The following CPA6 variants were observed in gnomAD, a reference collection of about 807,000 sequenced individuals.
The protein encoded by CPA6 is carboxypeptidase B.
Under a neutral mutation model 63.3 loss-of-function variants are expected in CPA6, and 58 were observed. The observed-to-expected ratio is 0.92, with a 90% CI of 0.74 to 1.14. CPA6 has a LOEUF of 1.14. Ranked by LOEUF, CPA6 falls within the 50% of genes most tolerant of loss-of-function variation. CPA6 has a pLI of 0.00. For missense variants in CPA6, 565 were observed against 526.6 expected (o/e 1.07, Z -0.71); for synonymous variants, 185 against 179.0 (o/e 1.03, Z -0.27).
rs186808552 is a variant in CPA6, at chr8:67,595,681, C to T, written c.192+28495G>A. 3.9e-3 allele frequency among the ~76,000 whole-genome samples: 601 copies of T among 152,342 alleles called. 1 individual carries two copies. Among genetic ancestry groups the T allele is most frequent in the Middle Eastern group, 0.01 (3 of 294 alleles). On this transcript the variant is annotated intron_variant, in intron 2 of 10. Coordinates refer to ENST00000297770, the MANE Select transcript of CPA6 (RefSeq NM_020361.5). ...CGAGACTCCGTGGGTGTAGGACCTT[C>T]CGAGCCAGGTGCGGGATATAATCTC...
At chr8:67,506,762 A>G (rs1270098020) in intron 6 of CPA6, 25 bp downstream of exon 6, 1 of 1,466,286 alleles carries the variant, frequency 6.8e-7, no homozygotes, top group Admixed American at 1.7e-5. Flanking sequence ...GCTGAAATGG[A>G]CATTGTGTAA....
At position 67,537,888 on chromosome 8, in the gene CPA6, T is replaced by C. The variant is rs528921040; in HGVS notation, c.193-19841A>G. On this transcript the variant is annotated intron_variant, in intron 2 of 10. Coordinates refer to ENST00000297770, the MANE Select transcript of CPA6 (RefSeq NM_020361.5). ...CCCAAAGATTCTAGTACGTTGTGTCTTTGTTCTCATTGGTTTCAAAGAACT... is the reference window on the plus strand; with the variant it reads ...CCCAAAGATTCTAGTACGTTGTGTCCTTGTTCTCATTGGTTTCAAAGAACT... 2.0e-5 allele frequency among the ~76,000 whole-genome samples: 3 copies of C among 152,368 alleles called. No homozygotes were observed. In the South Asian group the frequency reaches 6.2e-4, roughly 32 times the overall value.
intron 2 of CPA6, among the ~76,000 whole-genome samples, chr8:67,595,876 G>A (rs896609168): frequency 2.6e-5 from 4 of 152,192 alleles, no homozygotes; most frequent in Non-Finnish European, 4.4e-5. Flanking sequence ...CTGGCGCACA[G>A]TGTGCTGCAC....
chr8:67,479,047 C>T (rs140673932), intron 8 of CPA6, among the ~76,000 whole-genome samples: 19 of 152,004 alleles, frequency 1.2e-4, no homozygotes, highest in Middle Eastern at 3.4e-3. Context: ...AGAAAGAAAT[C>T]GACACCCCCA....
At position 67,724,904 on chromosome 8, in the gene CPA6, C is replaced by T. The variant is rs114732338; in HGVS notation, c.116+21110G>A. Reference sequence around the variant, plus strand: ...TCAGGAAGTCCTCTTCCATCTTAGACTCATCCCCCAATTTTTGGTTATCAG... The same window carrying T: ...TCAGGAAGTCCTCTTCCATCTTAGATTCATCCCCCAATTTTTGGTTATCAG... On this transcript the variant is annotated intron_variant, in intron 1 of 10. Coordinates refer to ENST00000297770, the MANE Select transcript of CPA6 (RefSeq NM_020361.5). Among the ~76,000 whole-genome samples the T allele has an allele frequency of 7.2e-3, 1,099 of 152,320 alleles. 14 individuals carry two copies. The highest frequency in any genetic ancestry group is 0.024 in the African/African-American group (1,011 of 41,580).
intron 1 of CPA6, among the ~76,000 whole-genome samples, chr8:67,641,850 G>C (rs1203071220): frequency 6.6e-6 from 1 of 152,010 alleles, no homozygotes; most frequent in Non-Finnish European, 1.5e-5. Context: ...TAAAACTAGT[G>C]AGAGAATTAG....
chr8:67,654,685 G>T (rs1324195012), intron 1 of CPA6, among the ~76,000 whole-genome samples: 3 of 152,198 alleles, frequency 2.0e-5, no homozygotes, highest in East Asian at 1.9e-4. Flanking sequence ...TAGGGCAACC[G>T]ATGAAGAGAG....
At chr8:67,553,942 C>T (rs1366768105) in intron 2 of CPA6, among the ~76,000 whole-genome samples, 1 of 152,160 alleles carries the variant, frequency 6.6e-6, no homozygotes, top group Non-Finnish European at 1.5e-5. Flanking sequence ...TTGCTGTAAA[C>T]CATGTGCTAT....
At chr8:67,447,049 C>CACACATATATATACACACATATATATAT (rs1563956440) in intron 8 of CPA6, among the ~76,000 whole-genome samples, 18 of 89,138 alleles carry the variant, frequency 2.0e-4, no homozygotes, top group African/African-American at 1.0e-3. Context: ...TATATATATA[C>CACACATATATATACACACATATATATAT]ACACACATAT....
chr8:67,427,141 T>C (rs909740989), intron 10 of CPA6, among the ~76,000 whole-genome samples: 7 of 152,208 alleles, frequency 4.6e-5, no homozygotes, highest in African/African-American at 1.7e-4. Context: ...ATTCTCACTA[T>C]AAGAAGGGTG....
chr8:67,552,583 C>T (rs1323992806), intron 2 of CPA6, among the ~76,000 whole-genome samples: 1 of 151,640 alleles, frequency 6.6e-6, no homozygotes, highest in Admixed American at 6.6e-5. Context: ...ACCATCCTGG[C>T]TAACACAGTG....
At chr8:67,640,538 G>A (rs1229867176) in intron 1 of CPA6, among the ~76,000 whole-genome samples, 1 of 151,374 alleles carries the variant, frequency 6.6e-6, no homozygotes, top group Non-Finnish European at 1.5e-5. Flanking sequence ...GCCCCCAGGA[G>A]TGTAGAGATG....
chr8:67,611,627 C>T (rs576870967), intron 2 of CPA6, among the ~76,000 whole-genome samples: 1 of 152,274 alleles, frequency 6.6e-6, no homozygotes, highest in East Asian at 1.9e-4. Flanking sequence ...CCTTTGATAG[C>T]TGGTCAATGT....
At chr8:67,597,881 T>C (rs1375646116) in intron 2 of CPA6, among the ~76,000 whole-genome samples, 1 of 152,218 alleles carries the variant, frequency 6.6e-6, no homozygotes, top group Non-Finnish European at 1.5e-5. Flanking sequence ...TTTAATTATG[T>C]GTGGACATCA....
At chr8:67,486,574 AT>A (rs1475751574) in intron 6 of CPA6, among the ~76,000 whole-genome samples, 5 of 152,122 alleles carry the variant, frequency 3.3e-5, no homozygotes, top group Admixed American at 3.3e-4. Context: ...TAATATCCAC[AT>A]TTCCACATGA....
intron 1 of CPA6, among the ~76,000 whole-genome samples, chr8:67,721,852 G>T (rs80210665): frequency 6.6e-6 from 1 of 152,074 alleles, no homozygotes; most frequent in African/African-American, 2.4e-5. Context: ...GCCTCTTTAC[G>T]TGTCTTAAAG....
At chr8:67,515,948 C>T (rs61679446) in intron 3 of CPA6, among the ~76,000 whole-genome samples, 11,552 of 152,130 alleles carry the variant, frequency 0.076, 1,042 homozygotes, top group African/African-American at 0.22. Flanking sequence ...TAATATCTTC[C>T]CTGATTCTTC....
At chr8:67,444,795 C>A in intron 8 of CPA6, among the ~76,000 whole-genome samples, 1 of 149,150 alleles carries the variant, frequency 6.7e-6, no homozygotes, top group Non-Finnish European at 1.5e-5. Flanking sequence ...AAAGTAAAAT[C>A]ACTCAAAATG....
At chr8:67,426,176 C>T (rs910099922) in intron 10 of CPA6, among the ~76,000 whole-genome samples, 1 of 152,146 alleles carries the variant, frequency 6.6e-6, no homozygotes, top group African/African-American at 2.4e-5. Context: ...GCCATGTTGG[C>T]CCGGCTGGTC....
Sources: allele counts gnomAD v4.1 joint callset (sites outside exome capture counted in the v4.1 genomes callset), GRCh38; gene constraint gnomAD v4.1.1; transcripts MANE v1.5; gene names NCBI Gene and HGNC (gene_info 2026-07-23, HGNC 2026-07-21).